Variants in PCSK2 observed in about 807,000 individuals in gnomAD.
PCSK2 encodes proprotein convertase subtilisin/kexin type 2.
Under a neutral mutation model 69.7 loss-of-function variants are expected in PCSK2, and 14 were observed. That is an observed-to-expected ratio of 0.20 (90% confidence interval 0.13 to 0.31). The LOEUF is 0.31. Ranked by LOEUF, PCSK2 falls within the 10% of genes least tolerant of loss-of-function variation. PCSK2 has a pLI of 1.00. For missense variants in PCSK2, 544 were observed against 842.5 expected (o/e 0.65, Z 4.39); for synonymous variants, 307 against 320.7 (o/e 0.96, Z 0.46).
At chr20:17,290,643 C>T (rs1988666148) in intron 2 of PCSK2, among the ~76,000 whole-genome samples, 1 of 152,214 alleles carries the variant, frequency 6.6e-6, no homozygotes, top group African/African-American at 2.4e-5. Context: ...CCTTCACCTA[C>T]AGTGCTATAT....
At chr20:17,438,503 T>C (rs981313372) in intron 8 of PCSK2, among the ~76,000 whole-genome samples, 1 of 152,172 alleles carries the variant, frequency 6.6e-6, no homozygotes, top group African/African-American at 2.4e-5. Context: ...GAGAACATAG[T>C]GGATGAGCTG....
chr20:17,402,690 C>A (rs1275006484), intron 5 of PCSK2, among the ~76,000 whole-genome samples: 2 of 146,434 alleles, frequency 1.4e-5, no homozygotes, highest in African/African-American at 5.1e-5. Flanking sequence ...CATGGTGGCT[C>A]ATGCCTGTAA....
rs1568612282 is a variant in PCSK2, at chr20:17,347,889, A to AGG, written c.283-10438_283-10437insGG. ...AGAGAGAAAAAAGAAAGAAAGAAAG[A>AGG]AAGAAAGAAAGAAAGAAAGAAAGAA... On this transcript the variant is annotated intron_variant, in intron 2 of 11. Coordinates refer to ENST00000262545, the MANE Select transcript of PCSK2 (RefSeq NM_002594.5). Among the ~76,000 whole-genome samples, 49 of 6,842 alleles carry AGG rather than the reference A, an allele frequency of 7.2e-3. 7 individuals carry two copies. The highest frequency in any genetic ancestry group is 0.037 in the Admixed American group (15 of 400). 4.5% of individuals were successfully genotyped at this position (6,842 alleles called of 152,430 possible).
At chr20:17,406,590 C>A (rs1460712404) in intron 5 of PCSK2, among the ~76,000 whole-genome samples, 2 of 152,182 alleles carry the variant, frequency 1.3e-5, no homozygotes, top group Non-Finnish European at 2.9e-5. Flanking sequence ...TCTCCAGGTC[C>A]TGCTTCCAAC....
chr20:17,291,947 A>C (rs1988710253), intron 2 of PCSK2, among the ~76,000 whole-genome samples: 1 of 152,224 alleles, frequency 6.6e-6, no homozygotes, highest in East Asian at 1.9e-4. Flanking sequence ...CAAGAAAATC[A>C]AGAAAAATCT....
chr20:17,447,826 TA>T (rs568902026), intron 8 of PCSK2, among the ~76,000 whole-genome samples: 32 of 152,192 alleles, frequency 2.1e-4, no homozygotes, highest in African/African-American at 5.3e-4. Flanking sequence ...TTTAATCACA[TA>T]AAAAAAGTCA....
At chr20:17,252,357 A>G (rs1600412102) in intron 1 of PCSK2, among the ~76,000 whole-genome samples, 1 of 152,352 alleles carries the variant, frequency 6.6e-6, no homozygotes, top group East Asian at 1.9e-4. Context: ...ATATTCCCCA[A>G]GTATCCCTCT....
Position 17,429,482 on chromosome 20 carries a change from A to G in PCSK2, c.668A>G (p.Asn223Ser). Residue 223 changes from asparagine to serine, a missense_variant, in exon 7 of 12, where the codon AAT becomes AGT. Coordinates refer to ENST00000262545, the MANE Select transcript of PCSK2 (RefSeq NM_002594.5). ...AGEVSAAANNNICGVGVAYNS... is the reference protein window; with the variant it reads ...AGEVSAAANNSICGVGVAYNS... ...GAAGTTTCTGCTGCCGCCAACAACA[A>G]TATCTGTGGAGTTGGAGTAGCATAC... 3.7e-6 allele frequency: 6 copies of G among 1,613,842 alleles called. No individual in the cohort carries two copies. Among genetic ancestry groups the G allele is most frequent in the Non-Finnish European group, 5.1e-6 (6 of 1,179,850 alleles).
At chr20:17,262,351 A>G (rs1245752088) in intron 2 of PCSK2, among the ~76,000 whole-genome samples, 1 of 152,184 alleles carries the variant, frequency 6.6e-6, no homozygotes, top group Non-Finnish European at 1.5e-5. Flanking sequence ...AAGACCAAGT[A>G]TCCTATATCT....
chr20:17,297,022 A>G (rs1988917075), intron 2 of PCSK2, among the ~76,000 whole-genome samples: 1 of 152,244 alleles, frequency 6.6e-6, no homozygotes, highest in Admixed American at 6.5e-5. Flanking sequence ...ATTTAAAAAG[A>G]TTAATGTATC....
At chr20:17,300,398 C>T (rs919713172) in intron 2 of PCSK2, among the ~76,000 whole-genome samples, 2 of 152,188 alleles carry the variant, frequency 1.3e-5, no homozygotes, top group African/African-American at 2.4e-5. Context: ...GATGGGTTCC[C>T]CAGAGGTCCT....
intron 2 of PCSK2, among the ~76,000 whole-genome samples, chr20:17,325,984 A>G (rs1170058269): frequency 6.6e-6 from 1 of 152,246 alleles, no homozygotes; most frequent in Non-Finnish European, 1.5e-5. Context: ...CTCTCGCTGC[A>G]ATGACAGAAG....
At chr20:17,319,175 A>T (rs776520542) in intron 2 of PCSK2, among the ~76,000 whole-genome samples, 1 of 152,212 alleles carries the variant, frequency 6.6e-6, no homozygotes, top group Non-Finnish European at 1.5e-5. Context: ...AATAGTTACC[A>T]AGCTACGCCC....
intron 11 of PCSK2, chr20:17,479,273 T>C (rs2033347122): frequency 9.5e-7 from 1 of 1,053,944 alleles, no homozygotes; most frequent in Non-Finnish European, 1.5e-6. Context: ...TAGGCAGATG[T>C]GTTAACGATA....
intron 7 of PCSK2, among the ~76,000 whole-genome samples, chr20:17,435,393 G>C (rs2032464614): frequency 6.6e-6 from 1 of 152,144 alleles, no homozygotes; most frequent in African/African-American, 2.4e-5. Context: ...GAAGGTTAAA[G>C]GTACACAAGA....
In PCSK2 at chr20:17,484,575, G is replaced by A. The variant is rs2033462718; in HGVS notation, c.*2505G>A. The A allele has an allele frequency of 6.6e-6, 1 of 152,158 alleles. No individual in the cohort carries two copies. Among genetic ancestry groups the A allele is most frequent in the Admixed American group, 6.5e-5 (1 of 15,268 alleles). 9.4% of individuals were successfully genotyped at this position (152,158 alleles called of 1,614,324 possible). A position where few individuals can be genotyped will look rare whatever the true frequency, so the allele number is the denominator to read the frequency against. ...CTCAACAATAAAACATTATGCTCCA[G>A]AAATTATGTGAGATGTGCTATATTG... is the stretch of plus-strand genomic sequence containing the variant. On this transcript the variant is annotated 3_prime_UTR_variant, in exon 12 of 12. Coordinates refer to ENST00000262545, the MANE Select transcript of PCSK2 (RefSeq NM_002594.5).
intron 2 of PCSK2, among the ~76,000 whole-genome samples, chr20:17,328,252 T>G (rs1001144711): frequency 6.6e-6 from 1 of 151,912 alleles, no homozygotes; most frequent in Non-Finnish European, 1.5e-5. Context: ...TTTTTGGGAT[T>G]TGGGAATTTT....
intron 4 of PCSK2, among the ~76,000 whole-genome samples, chr20:17,366,394 C>T (rs990073471): frequency 6.6e-6 from 1 of 152,150 alleles, no homozygotes; most frequent in Non-Finnish European, 1.5e-5. Context: ...GGTGATCAGT[C>T]GGTACCCCCA....
intron 2 of PCSK2, among the ~76,000 whole-genome samples, chr20:17,309,652 T>C (rs1278227068): frequency 6.6e-6 from 1 of 152,006 alleles, no homozygotes; most frequent in African/African-American, 2.4e-5. Context: ...ACCCCGTCTC[T>C]ACTAAAAATA....
Sources: gnomAD v4.1 joint callset for allele counts (sites outside exome capture counted in the v4.1 genomes callset) on GRCh38, gnomAD v4.1.1 for gene constraint, MANE v1.5 for transcripts, NCBI Gene and HGNC (gene_info 2026-07-23, HGNC 2026-07-21) for gene names.